The following SGCZ variants were observed in gnomAD, a reference collection of about 807,000 sequenced individuals.
SGCZ encodes the protein zeta-sarcoglycan.
SGCZ carries 40 observed loss-of-function variants against 41.3 expected under a neutral mutation model. That is an observed-to-expected ratio of 0.97 (90% confidence interval 0.75 to 1.26). The LOEUF (loss-of-function observed/expected upper bound fraction) is 1.26, where lower values mean the gene tolerates loss of function less well. SGCZ is among the 50% of genes most tolerant of loss of function. The probability of loss-of-function intolerance (pLI) is 0.00; values close to 1 mark genes in which losing one functional copy is unlikely to be tolerated. For missense variants in SGCZ, 552 were observed against 369.8 expected (o/e 1.49, Z -4.04); for synonymous variants, 206 against 137.5 (o/e 1.50, Z -3.49).
intron 1 of SGCZ, among the ~76,000 whole-genome samples, chr8:14,827,236 C>CTTTTTTTTTT (rs36071307): frequency 2.5e-4 from 30 of 122,288 alleles, no homozygotes; most frequent in Non-Finnish European, 3.0e-4. Flanking sequence ...CTTTTCTTTT[C>CTTTTTTTTTT]TTTTTTTTTT....
chr8:14,831,911 C>A (rs1463267557), intron 1 of SGCZ, among the ~76,000 whole-genome samples: 1 of 150,846 alleles, frequency 6.6e-6, no homozygotes, highest in Non-Finnish European at 1.5e-5. Flanking sequence ...TGTATACACA[C>A]ACAAACAGTA....
intron 1 of SGCZ, among the ~76,000 whole-genome samples, chr8:14,771,738 G>A (rs2130394951): frequency 6.6e-6 from 1 of 152,140 alleles, no homozygotes; most frequent in South Asian, 2.1e-4. Context: ...AGAAAATTAT[G>A]TTTCACATTC....
At position 15,014,883 on chromosome 8, in the gene SGCZ, A is replaced by C. The variant is rs189279184; in HGVS notation, c.39+222702T>G. ...AGATCTACTCTCTTTAGGCAAAAAT[A>C]AGCTGGCCCAAGCAGCCTTCTGTAA... On this transcript the variant is annotated intron_variant, in intron 1 of 7. Transcript: ENST00000382080. 3.2e-4 allele frequency among the ~76,000 whole-genome samples: 49 copies of C among 152,340 alleles called. 2 individuals are homozygous for C. Among genetic ancestry groups the C allele is most frequent in the African/African-American group, 1.1e-3 (46 of 41,582 alleles).
At chr8:14,637,584 G>A (rs1443429212) in intron 1 of SGCZ, among the ~76,000 whole-genome samples, 2 of 147,878 alleles carry the variant, frequency 1.4e-5, no homozygotes, top group African/African-American at 2.5e-5. Flanking sequence ...TGTTTTTTTT[G>A]TTCCTGCATT....
intron 1 of SGCZ, among the ~76,000 whole-genome samples, chr8:14,676,879 C>T (rs895018197): frequency 6.6e-6 from 1 of 151,986 alleles, no homozygotes; most frequent in Non-Finnish European, 1.5e-5. Context: ...TAGAAACTAC[C>T]AGATTTACTG....
intron 1 of SGCZ, among the ~76,000 whole-genome samples, chr8:14,857,378 T>G (rs1352016143): frequency 6.6e-6 from 1 of 152,198 alleles, no homozygotes; most frequent in African/African-American, 2.4e-5. Flanking sequence ...ATGAGAGATT[T>G]TGCATGTGAT....
chr8:14,435,946 G>A lies in SGCZ; in HGVS notation c.235-111742C>T, dbSNP rs1800078024. 2.0e-5 allele frequency among the ~76,000 whole-genome samples: 3 copies of A among 152,280 alleles called. No homozygotes were observed. In the South Asian group the frequency reaches 6.2e-4, roughly 32 times the overall value. ...GTAACTGAACAAAGAATAATGAAAG[G>A]AAAATTGCCAAAAGTGTTTCAATGC... On this transcript the variant is annotated intron_variant, in intron 2 of 7. Coordinates refer to ENST00000382080, the MANE Select transcript of SGCZ (RefSeq NM_139167.4).
chr8:14,790,760 T>C (rs917000553), intron 1 of SGCZ, among the ~76,000 whole-genome samples: 6 of 152,088 alleles, frequency 3.9e-5, no homozygotes, highest in South Asian at 2.1e-4. Flanking sequence ...GCCAGGAACG[T>C]TGGCTATCGC....
At chr8:14,775,915 A>C (rs968866327) in intron 1 of SGCZ, among the ~76,000 whole-genome samples, 2 of 152,178 alleles carry the variant, frequency 1.3e-5, no homozygotes, top group Non-Finnish European at 2.9e-5. Flanking sequence ...GATGCCTGTG[A>C]CTGGGAGGTG....
chr8:14,430,719 A>T (rs1277228577), intron 2 of SGCZ, among the ~76,000 whole-genome samples: 2 of 152,190 alleles, frequency 1.3e-5, no homozygotes, highest in Admixed American at 1.3e-4. Flanking sequence ...AGAAAGAAAT[A>T]AAGGGCATCC....
chr8:14,337,845 A>G (rs547787686), intron 2 of SGCZ, among the ~76,000 whole-genome samples: 9 of 152,248 alleles, frequency 5.9e-5, no homozygotes, highest in Non-Finnish European at 1.2e-4. Context: ...ACTTTTAGCA[A>G]TGGAGATGGC....
At chr8:14,274,975 A>G (rs2117272646) in intron 3 of SGCZ, among the ~76,000 whole-genome samples, 1 of 152,264 alleles carries the variant, frequency 6.6e-6, no homozygotes, top group Non-Finnish European at 1.5e-5. Context: ...TGATCTTTTA[A>G]ACAAGTGAAA....
intron 1 of SGCZ, among the ~76,000 whole-genome samples, chr8:14,939,099 C>G (rs1693131254): frequency 1.3e-5 from 2 of 152,144 alleles, no homozygotes; most frequent in Non-Finnish European, 2.9e-5. Flanking sequence ...AGGACCTTTC[C>G]AGGTACTTCA....
At chr8:15,121,448 A>G (rs1807472951) in intron 1 of SGCZ, among the ~76,000 whole-genome samples, 1 of 152,214 alleles carries the variant, frequency 6.6e-6, no homozygotes, top group Non-Finnish European at 1.5e-5. Flanking sequence ...CCTTCCAAGT[A>G]CCAAGAAGAC....
intron 4 of SGCZ, among the ~76,000 whole-genome samples, chr8:14,166,298 C>G (rs1804208225): frequency 6.6e-6 from 1 of 152,080 alleles, no homozygotes; most frequent in East Asian, 1.9e-4. Context: ...TGTCCTTGGT[C>G]ATAGTTGTTG....
intron 5 of SGCZ, among the ~76,000 whole-genome samples, chr8:14,118,605 C>T (rs1272001765): frequency 6.6e-6 from 1 of 152,082 alleles, no homozygotes; most frequent in Non-Finnish European, 1.5e-5. Context: ...GTTGCCATTG[C>T]TTTTGGTGTT....
intron 1 of SGCZ, among the ~76,000 whole-genome samples, chr8:14,741,464 G>C (rs1256725862): frequency 1.3e-5 from 2 of 151,946 alleles, no homozygotes; most frequent in Non-Finnish European, 2.9e-5. Context: ...TTTTATAACA[G>C]ATAAGCATTA....
chr8:14,338,160 T>C (rs1374196809), intron 2 of SGCZ, among the ~76,000 whole-genome samples: 1 of 152,112 alleles, frequency 6.6e-6, no homozygotes, highest in Non-Finnish European at 1.5e-5. Context: ...TTGACCTTCT[T>C]AGCAAATTTT....
intron 7 of SGCZ, among the ~76,000 whole-genome samples, chr8:14,101,211 G>T (rs7007582): frequency 6.6e-6 from 1 of 151,890 alleles, no homozygotes; most frequent in Non-Finnish European, 1.5e-5. Flanking sequence ...AGATTAGATA[G>T]TGGGGAGAAC....
Sources: gnomAD v4.1 joint callset for allele counts (sites outside exome capture counted in the v4.1 genomes callset) on GRCh38, gnomAD v4.1.1 for gene constraint, MANE v1.5 for transcripts, NCBI Gene and HGNC (gene_info 2026-07-23, HGNC 2026-07-21) for gene names.